Variants in KLC1 observed in about 807,000 individuals in gnomAD.
KLC1 encodes the protein kinesin 2 60/70kDa.
Under a neutral mutation model 84.2 loss-of-function variants are expected in KLC1, and 30 were observed. That is an observed-to-expected ratio of 0.36 (90% CI 0.27 to 0.48). The LOEUF is 0.48. Ranked by LOEUF, KLC1 falls within the 20% of genes least tolerant of loss-of-function variation. The pLI, the probability that KLC1 is intolerant of heterozygous loss-of-function variation, is 0.99. For synonymous variants in KLC1, 289 were observed against 293.3 expected (o/e 0.99, Z 0.15); for missense variants, 499 against 805.4 (o/e 0.62, Z 4.60).
At chr14:103,631,492 G>A (rs2076684578) in intron 1 of KLC1, among the ~76,000 whole-genome samples, 1 of 152,136 alleles carries the variant, frequency 6.6e-6, no homozygotes, top group African/African-American at 2.4e-5. Context: ...AAACATACTT[G>A]TATAAAAAGA....
intron 15 of KLC1, chr14:103,698,729 G>T: frequency 1.4e-6 from 2 of 1,403,708 alleles, no homozygotes; most frequent in Non-Finnish European, 2.0e-6. Context: ...CCAGGCAGAC[G>T]CGTTTTAAAG....
chr14:103,649,159 CAGTG>C (rs1489305642), intron 1 of KLC1, among the ~76,000 whole-genome samples: 1 of 151,788 alleles, frequency 6.6e-6, no homozygotes, highest in African/African-American at 2.4e-5. Flanking sequence ...AGAAACAGTA[CAGTG>C]ACAATTGCCT....
chr14:103,682,222 T>C (rs972618661), intron 13 of KLC1: 3 of 151,902 alleles, frequency 2.0e-5, no homozygotes, highest in African/African-American at 7.3e-5. Flanking sequence ...TATAAAAAAT[T>C]AGCCGTGCAT....
rs193224603 is a variant in KLC1 at position 103,694,662 on chromosome 14, C to T, written c.1848+2237C>T. On this transcript the variant is annotated intron_variant, in intron 15 of 16. Coordinates refer to ENST00000334553, the MANE Select transcript of KLC1 (RefSeq NM_001394837.1). The surrounding 1 kb of genome is among the most constrained non-coding windows in gnomAD (Gnocchi z 4.5). The stretch of plus-strand genomic sequence containing the variant: ...ACCTCCATGCCAGCCAACTAGGCTA[C>T]GGGATGGAGGGGCGGTCTGTGAAAC... The T allele has an allele frequency of 5.3e-5, 52 of 985,446 alleles. 2 individuals carry two copies. In the South Asian group the frequency reaches 1.6e-3, roughly 29 times the overall value. 61.0% of individuals were successfully genotyped at this position (985,446 alleles called of 1,614,324 possible). A position where few individuals can be genotyped will look rare whatever the true frequency, so the allele number is the denominator to read the frequency against.
chr14:103,689,687 T>C (rs1167393889), intron 14 of KLC1, among the ~76,000 whole-genome samples: 3 of 152,202 alleles, frequency 2.0e-5, no homozygotes, highest in Non-Finnish European at 2.9e-5. Flanking sequence ...GGGCCACTTT[T>C]TGAGAATCGC....
At chr14:103,699,211 G>A (rs748931165) in intron 15 of KLC1, 41 of 1,549,172 alleles carry the variant, frequency 2.6e-5, no homozygotes, top group South Asian at 4.7e-5. Context: ...CAGCTGCAAC[G>A]GCTGAGGGTC....
At chr14:103,648,076 G>A (rs570307857) in intron 1 of KLC1, among the ~76,000 whole-genome samples, 8 of 151,474 alleles carry the variant, frequency 5.3e-5, no homozygotes, top group African/African-American at 9.7e-5. Flanking sequence ...TCAAGCTCCC[G>A]AGTAGCTGGG....
chr14:103,688,532 C>G (rs1049231151), intron 14 of KLC1, among the ~76,000 whole-genome samples: 1 of 152,164 alleles, frequency 6.6e-6, no homozygotes, highest in Non-Finnish European at 1.5e-5. Flanking sequence ...AACCTAAGCC[C>G]TTAGAACTGT....
intron 15 of KLC1, chr14:103,698,316 G>C: frequency 5.5e-6 from 1 of 183,252 alleles, no homozygotes; most frequent in Non-Finnish European, 1.2e-5. Context: ...CAGCCCCACT[G>C]TGGCCTGAGT....
At chr14:103,677,333 A>T in intron 11 of KLC1, 82 bp from the exon 12 acceptor site, 2 of 812,616 alleles carry the variant, frequency 2.5e-6, no homozygotes, top group East Asian at 2.4e-5. Context: ...GAAGTCTGTT[A>T]GTTCTTTAGA....
chr14:103,633,305 C>T (rs1036951848), intron 1 of KLC1, among the ~76,000 whole-genome samples: 1 of 152,046 alleles, frequency 6.6e-6, no homozygotes, highest in Non-Finnish European at 1.5e-5. Context: ...GATCCGCCCG[C>T]CTTGGCCTCT....
chr14:103,672,802 G>A (rs1297856356), intron 7 of KLC1, among the ~76,000 whole-genome samples: 2 of 152,210 alleles, frequency 1.3e-5, no homozygotes, highest in East Asian at 3.8e-4. Context: ...AAGAAGATGA[G>A]CACAGTTCCC....
rs560056504 is a variant in KLC1 at position 103,665,043 on chromosome 14, C to G, written c.797+2116C>G. On this transcript the variant is annotated intron_variant, in intron 5 of 16. Coordinates refer to ENST00000334553, the MANE Select transcript of KLC1 (RefSeq NM_001394837.1). ...TAGCATTATAGTGTGAGAGTTGACC[C>G]ACGTGCGTAGATGTTTGGGAAAAAA... 9.2e-5 allele frequency among the ~76,000 whole-genome samples: 14 copies of G among 151,966 alleles called. 1 individual carries two copies. The South Asian group carries it at 2.9e-3, about 32-fold the overall frequency.
intron 1 of KLC1, among the ~76,000 whole-genome samples, chr14:103,642,971 A>G (rs1303008295): frequency 6.6e-6 from 1 of 151,978 alleles, no homozygotes; most frequent in East Asian, 1.9e-4. Context: ...GGGTTTCACC[A>G]TTTTGGTCAG....
intron 1 of KLC1, among the ~76,000 whole-genome samples, chr14:103,639,596 C>T (rs2077335639): frequency 6.6e-6 from 1 of 152,014 alleles, no homozygotes; most frequent in Admixed American, 6.6e-5. Context: ...GCGTGTGCCA[C>T]CACACCCAAC....
At chr14:103,700,457 C>G in intron 15 of KLC1, 198 bp from the exon 16 acceptor site, 1 of 496,020 alleles carries the variant, frequency 2.0e-6, no homozygotes, top group South Asian at 3.1e-5. Flanking sequence ...CACAGCTGCT[C>G]CTGGCACCAA....
intron 1 of KLC1, among the ~76,000 whole-genome samples, chr14:103,651,989 A>G (rs1452065497): frequency 6.6e-6 from 1 of 152,198 alleles, no homozygotes; most frequent in Non-Finnish European, 1.5e-5. Flanking sequence ...GCTAGCTTGC[A>G]TGTCCCCAAG....
At chr14:103,685,341 A>C in intron 13 of KLC1, 1 of 1,256,064 alleles carries the variant, frequency 8.0e-7, no homozygotes, top group Non-Finnish European at 1.0e-6. Context: ...TTTTACACCA[A>C]GTGTCAAGGA....
At chr14:103,674,342 C>A (rs559065900) in intron 9 of KLC1, among the ~76,000 whole-genome samples, 2 of 151,718 alleles carry the variant, frequency 1.3e-5, no homozygotes, top group East Asian at 3.9e-4. Context: ...TAGCATGGGT[C>A]TGTTGGTTGT....
Sources: gnomAD v4.1 joint callset for allele counts (sites outside exome capture counted in the v4.1 genomes callset) on GRCh38, gnomAD v4.1.1 for gene constraint, Gnocchi (gnomAD v3.1) non-coding constraint, MANE v1.5 for transcripts, NCBI Gene and HGNC (gene_info 2026-07-23, HGNC 2026-07-21) for gene names.